Variants in SCFD2 observed in about 807,000 individuals in gnomAD.
The protein encoded by SCFD2 is sec1 family domain containing 2.
Under a neutral mutation model 58.9 loss-of-function variants are expected in SCFD2, and 54 were observed. The observed-to-expected ratio is 0.92, with a 90% confidence interval of 0.74 to 1.15. The LOEUF (loss-of-function observed/expected upper bound fraction) is 1.15. Ranked by LOEUF, SCFD2 falls within the 50% of genes most tolerant of loss-of-function variation. The pLI is 0.00. For synonymous variants in SCFD2, 321 were observed against 335.9 expected, an observed-to-expected ratio of 0.96 and a Z score of 0.49; for missense variants, 805 against 836.6, an observed-to-expected ratio of 0.96 and a Z score of 0.47.
intron 5 of SCFD2, among the ~76,000 whole-genome samples, chr4:53,036,975 C>A (rs749831628): frequency 6.6e-6 from 1 of 152,136 alleles, no homozygotes; most frequent in Non-Finnish European, 1.5e-5. Flanking sequence ...TACAAAGGAG[C>A]AGTAAGGGGA....
At chr4:53,249,212 G>T (rs1427579909) in intron 4 of SCFD2, among the ~76,000 whole-genome samples, 1 of 152,182 alleles carries the variant, frequency 6.6e-6, no homozygotes, top group East Asian at 1.9e-4. Context: ...ATCAGTGATG[G>T]AAGATGAAAT....
intron 8 of SCFD2, 133 bp from the exon 9 acceptor site, chr4:52,874,194 A>G (rs1718416247): frequency 1.5e-6 from 1 of 664,534 alleles, no homozygotes; most frequent in Non-Finnish European, 2.7e-6. Context: ...AAGGAAAAGT[A>G]GAAGGCAGCC....
At chr4:53,198,640 G>A (rs192193118) in intron 4 of SCFD2, among the ~76,000 whole-genome samples, 2 of 151,848 alleles carry the variant, frequency 1.3e-5, no homozygotes, top group East Asian at 1.9e-4. Context: ...TGGAGTTGGG[G>A]ATGTTTTGGT....
At chr4:53,350,006 G>T (rs1229160405) in intron 2 of SCFD2, among the ~76,000 whole-genome samples, 1 of 152,076 alleles carries the variant, frequency 6.6e-6, no homozygotes, top group African/African-American at 2.4e-5. Flanking sequence ...CTATAAACGG[G>T]GACGCTAAGA....
At chr4:52,928,171 C>CA (rs35997226) in intron 5 of SCFD2, among the ~76,000 whole-genome samples, 1 of 151,852 alleles carries the variant, frequency 6.6e-6, no homozygotes, top group Non-Finnish European at 1.5e-5. Flanking sequence ...TCTGTCTCTA[C>CA]AAAAAAATTT....
At chr4:53,278,900 AGGCCAGTGAC>A (rs1423359306) in intron 3 of SCFD2, among the ~76,000 whole-genome samples, 22 of 151,770 alleles carry the variant, frequency 1.4e-4, no homozygotes, top group African/African-American at 5.1e-4. Flanking sequence ...AAAAAAAAAA[AGGCCAGTGAC>A]ATTTTTAAAA....
chr4:53,129,488 G>T (rs998784895), intron 5 of SCFD2, among the ~76,000 whole-genome samples: 1 of 152,066 alleles, frequency 6.6e-6, no homozygotes, highest in Non-Finnish European at 1.5e-5. Context: ...TCTCCTTCTG[G>T]CTTTAAAAAT....
At chr4:53,093,984 A>G (rs115266002) in intron 5 of SCFD2, among the ~76,000 whole-genome samples, 6,099 of 152,200 alleles carry the variant, frequency 0.04, 163 homozygotes, top group Non-Finnish European at 0.061. Flanking sequence ...ATATTTTTAA[A>G]ATAGATTATT....
intron 5 of SCFD2, among the ~76,000 whole-genome samples, chr4:53,135,024 A>G (rs1725896650): frequency 6.6e-6 from 1 of 152,184 alleles, no homozygotes; most frequent in Non-Finnish European, 1.5e-5. Flanking sequence ...CCAAAAAACT[A>G]TTCTACATCA....
chr4:52,888,829 C>G (rs1560470817), intron 7 of SCFD2, among the ~76,000 whole-genome samples: 1 of 152,200 alleles, frequency 6.6e-6, no homozygotes, highest in African/African-American at 2.4e-5. Context: ...CCTTCAATAT[C>G]TTTTATGTAC....
chr4:53,239,336 C>G (rs138467774), intron 4 of SCFD2, among the ~76,000 whole-genome samples: 9,863 of 149,318 alleles, frequency 0.066, 329 homozygotes, highest in Middle Eastern at 0.12. Context: ...AGAGGGAGAC[C>G]GTGGAAAGAG....
At chr4:52,890,964 T>C (rs1398971669) in intron 7 of SCFD2, among the ~76,000 whole-genome samples, 2 of 152,126 alleles carry the variant, frequency 1.3e-5, no homozygotes, top group Non-Finnish European at 2.9e-5. Flanking sequence ...TATTTGTGAC[T>C]CATTTGTCCC....
intron 5 of SCFD2, among the ~76,000 whole-genome samples, chr4:53,006,489 C>T (rs1380829905): frequency 6.6e-6 from 1 of 152,180 alleles, no homozygotes; most frequent in Non-Finnish European, 1.5e-5. Context: ...GCTTTAGAAG[C>T]AAACTGCTTT....
At chr4:53,298,255 T>A (rs1004115076) in intron 3 of SCFD2, among the ~76,000 whole-genome samples, 1 of 152,048 alleles carries the variant, frequency 6.6e-6, no homozygotes, top group Non-Finnish European at 1.5e-5. Flanking sequence ...CCTAATACTG[T>A]GCTTTTCCAA....
intron 4 of SCFD2, among the ~76,000 whole-genome samples, chr4:53,236,198 C>T (rs554273129): frequency 2.2e-4 from 33 of 152,190 alleles, no homozygotes; most frequent in African/African-American, 6.0e-4. Context: ...AAAATAGAGA[C>T]GGGCCTAGCC....
chr4:52,996,253 G>A (rs1308241405), intron 5 of SCFD2, among the ~76,000 whole-genome samples: 1 of 152,164 alleles, frequency 6.6e-6, no homozygotes, highest in Non-Finnish European at 1.5e-5. Context: ...CTAGCCATAA[G>A]GACCCCACTG....
intron 5 of SCFD2, among the ~76,000 whole-genome samples, chr4:52,993,847 G>A (rs370430493): frequency 1.3e-5 from 2 of 152,232 alleles, no homozygotes; most frequent in African/African-American, 4.8e-5. Flanking sequence ...AATAGCCTCA[G>A]AAAAAGGCTC....
At chr4:53,336,627 C>A (rs1733692650) in intron 2 of SCFD2, among the ~76,000 whole-genome samples, 1 of 152,106 alleles carries the variant, frequency 6.6e-6, no homozygotes, top group Non-Finnish European at 1.5e-5. Flanking sequence ...TGGGCTCAAA[C>A]AATCCTCCCA....
intron 5 of SCFD2, among the ~76,000 whole-genome samples, chr4:53,048,496 G>A (rs932631873): frequency 1.3e-5 from 2 of 152,180 alleles, no homozygotes; most frequent in African/African-American, 4.8e-5. Context: ...AGCATTTTGG[G>A]AGGCTGAGGC....
Sources: gnomAD v4.1 joint callset for allele counts (sites outside exome capture counted in the v4.1 genomes callset) on GRCh38, gnomAD v4.1.1 for gene constraint, MANE v1.5 for transcripts, NCBI Gene and HGNC (gene_info 2026-07-23, HGNC 2026-07-21) for gene names.